The following PTK2 variants were observed in gnomAD, a reference collection of about 807,000 sequenced individuals.
The protein encoded by PTK2 is protein tyrosine kinase 2.
PTK2 carries 45 observed loss-of-function variants against 150.1 expected under a neutral mutation model. That is an observed-to-expected ratio of 0.30 (90% CI 0.24 to 0.38). The LOEUF is 0.38. PTK2 is among the 10% of genes least tolerant of loss of function. PTK2 has a pLI of 1.00. For synonymous variants in PTK2, 432 were observed against 449.2 expected (o/e 0.96, Z 0.48); for missense variants, 919 against 1,307.3 (o/e 0.70, Z 4.58).
intron 31 of PTK2, 77 bp from the exon 36 acceptor site, chr8:140,659,755 G>C: frequency 1.5e-6 from 2 of 1,334,034 alleles, no homozygotes; most frequent in Non-Finnish European, 2.1e-6. Flanking sequence ...TGTTCTTACT[G>C]TGTTGTCCAA....
At chr8:140,746,778 C>G in exon 18 of PTK2, 1 of 1,612,272 alleles carries the variant, frequency 6.2e-7, no homozygotes. Flanking sequence ...GTGTGCACAG[C>G]TCCATGATTA....
At chr8:140,792,515 C>T (rs908706644) in intron 13 of PTK2, among the ~76,000 whole-genome samples, 2 of 152,342 alleles carry the variant, frequency 1.3e-5, no homozygotes, top group African/African-American at 4.8e-5. Context: ...TGCTGTAATA[C>T]ATCATAGCTG....
chr8:140,731,248 C>A (rs1310083005), intron 22 of PTK2, among the ~76,000 whole-genome samples: 1 of 152,198 alleles, frequency 6.6e-6, no homozygotes, highest in African/African-American at 2.4e-5. Context: ...GCTTGAGCCA[C>A]TGCGCCCGGC....
chr8:140,986,986 C>T (rs2100193490), intron 1 of PTK2, among the ~76,000 whole-genome samples: 1 of 152,092 alleles, frequency 6.6e-6, no homozygotes, highest in Admixed American at 6.6e-5. Flanking sequence ...TACACAAAAA[C>T]ACAACCCGTA....
intron 1 of PTK2, among the ~76,000 whole-genome samples, chr8:140,975,382 T>C (rs1222904052): frequency 6.6e-6 from 1 of 152,136 alleles, no homozygotes; most frequent in Non-Finnish European, 1.5e-5. Context: ...TGCATATCCT[T>C]CTCTACCCGA....
At chr8:140,946,802 C>T (rs1304393039) in intron 1 of PTK2, among the ~76,000 whole-genome samples, 2 of 152,164 alleles carry the variant, frequency 1.3e-5, no homozygotes, top group Admixed American at 6.5e-5. Flanking sequence ...CTTCCCTACA[C>T]TATACAGACT....
intron 2 of PTK2, among the ~76,000 whole-genome samples, chr8:140,901,971 T>G (rs188867547): frequency 3.3e-5 from 5 of 152,190 alleles, no homozygotes; most frequent in Admixed American, 6.5e-5. Flanking sequence ...TCCACGTCCC[T>G]GCAAAGGACA....
At chr8:140,956,871 G>A (rs1213514326) in intron 1 of PTK2, among the ~76,000 whole-genome samples, 1 of 152,130 alleles carries the variant, frequency 6.6e-6, no homozygotes, top group Non-Finnish European at 1.5e-5. Context: ...AGGCCAGCCT[G>A]ACCAACATGG....
intron 15 of PTK2, among the ~76,000 whole-genome samples, chr8:140,761,793 TAA>T (rs909408495): frequency 3.3e-5 from 5 of 152,110 alleles, no homozygotes; most frequent in African/African-American, 4.8e-5. Flanking sequence ...CTCATGGAGC[TAA>T]AAGAGTTTAA....
intron 22 of PTK2, among the ~76,000 whole-genome samples, chr8:140,729,282 A>AC (rs1329598726): frequency 2.0e-5 from 3 of 151,680 alleles, no homozygotes; most frequent in Non-Finnish European, 2.9e-5. Flanking sequence ...AACTCCCAAC[A>AC]CCCCCCAGCT....
At chr8:140,829,643 G>A (rs902794228) in intron 8 of PTK2, among the ~76,000 whole-genome samples, 10 of 152,024 alleles carry the variant, frequency 6.6e-5, no homozygotes, top group Admixed American at 2.0e-4. Context: ...ATGGGATGTA[G>A]AATAAGATCT....
chr8:140,832,303 C>G (rs199918251), intron 7 of PTK2, among the ~76,000 whole-genome samples: 1 of 152,230 alleles, frequency 6.6e-6, no homozygotes, highest in South Asian at 2.1e-4. Flanking sequence ...GATCTGCCCG[C>G]TTCAGCCTCC....
At chr8:140,746,487 A>C in intron 18 of PTK2, 1 of 302,428 alleles carries the variant, frequency 3.3e-6, no homozygotes, top group Non-Finnish European at 6.0e-6. Flanking sequence ...GAGAGAAAAA[A>C]TAAAACCAAA....
chr8:140,895,306 C>G (rs1379877426), intron 2 of PTK2, among the ~76,000 whole-genome samples: 1 of 151,968 alleles, frequency 6.6e-6, no homozygotes, highest in East Asian at 1.9e-4. Context: ...GATGGGAGGA[C>G]AGCTTGAGGC....
At chr8:140,842,633 G>C (rs902841761) in intron 7 of PTK2, among the ~76,000 whole-genome samples, 45 of 152,020 alleles carry the variant, frequency 3.0e-4, no homozygotes, top group African/African-American at 9.7e-4. Context: ...CAGATATTCT[G>C]CTTCAAGAGG....
chr8:140,852,528 C>T (rs1424802372), intron 5 of PTK2, among the ~76,000 whole-genome samples: 1 of 152,140 alleles, frequency 6.6e-6, no homozygotes, highest in African/African-American at 2.4e-5. Flanking sequence ...TTTCCTTATT[C>T]CTATATTGTA....
At chr8:140,815,063 C>T (rs6982934) in intron 10 of PTK2, among the ~76,000 whole-genome samples, 16,586 of 152,068 alleles carry the variant, frequency 0.11, 2,591 homozygotes, top group African/African-American at 0.35. Flanking sequence ...TGTGAGCCAC[C>T]GCGCCCGGCC....
intron 21 of PTK2, among the ~76,000 whole-genome samples, chr8:140,736,206 TC>T (rs2100052508): frequency 6.6e-6 from 1 of 152,332 alleles, no homozygotes; most frequent in African/African-American, 2.4e-5. Flanking sequence ...AAGAATGAAA[TC>T]ATGTCCTTGG....
chr8:140,999,376 T>C (rs2100199106), intron 1 of PTK2, among the ~76,000 whole-genome samples: 1 of 152,224 alleles, frequency 6.6e-6, no homozygotes, highest in Non-Finnish European at 1.5e-5. Context: ...AAGGAAAACC[T>C]TGTAATATTG....
Sources: gnomAD v4.1 joint callset for allele counts (sites outside exome capture counted in the v4.1 genomes callset) on GRCh38, gnomAD v4.1.1 for gene constraint, MANE v1.5 for transcripts, NCBI Gene and HGNC (gene_info 2026-07-23, HGNC 2026-07-21) for gene names.